Variants in CSMD1 observed in about 807,000 individuals in gnomAD.
The protein encoded by CSMD1 is CUB and sushi domain-containing protein 1.
CSMD1 carries 213 observed loss-of-function variants against 417.5 expected under a neutral mutation model. That is an observed-to-expected ratio of 0.51 (90% CI 0.46 to 0.57). The LOEUF (loss-of-function observed/expected upper bound fraction) is 0.57, where lower values mean the gene tolerates loss of function less well. Among genes scored for constraint, CSMD1 ranks in the 20% least tolerant of loss-of-function variants. CSMD1 has a pLI of 0.00. For missense variants in CSMD1, 6,923 were observed against 4,529.7 expected (o/e 1.53, Z -15.17); for synonymous variants, 2,862 against 1,736.8 (o/e 1.65, Z -16.11).
intron 52 of CSMD1, among the ~76,000 whole-genome samples, chr8:3,017,955 G>T (rs864661): frequency 6.6e-6 from 1 of 151,176 alleles, no homozygotes; most frequent in African/African-American, 2.4e-5. Context: ...GCTTATTCAA[G>T]ATTTTTCATA....
chr8:4,221,541 G>T (rs964522229), intron 3 of CSMD1, among the ~76,000 whole-genome samples: 1 of 152,144 alleles, frequency 6.6e-6, no homozygotes, highest in Non-Finnish European at 1.5e-5. Context: ...TCCCAGGAAG[G>T]CTCAAGAGCA....
chr8:4,189,331 C>G (rs1481252365), intron 3 of CSMD1, among the ~76,000 whole-genome samples: 2 of 152,122 alleles, frequency 1.3e-5, no homozygotes, highest in Admixed American at 6.5e-5. Context: ...CTGGTGCCAA[C>G]TGTGTTTATT....
At chr8:3,986,526 C>A (rs1403119593) in intron 5 of CSMD1, among the ~76,000 whole-genome samples, 4 of 152,170 alleles carry the variant, frequency 2.6e-5, no homozygotes, top group Non-Finnish European at 5.9e-5. Context: ...TCTTTTTCTA[C>A]TCCCATGATC....
At chr8:4,453,168 C>T (rs546838329) in intron 2 of CSMD1, among the ~76,000 whole-genome samples, 4 of 151,586 alleles carry the variant, frequency 2.6e-5, no homozygotes, top group South Asian at 4.2e-4. Context: ...CAAGCCCGTT[C>T]CCCCCTCCAT....
At chr8:3,925,643 C>T (rs982507910) in intron 5 of CSMD1, among the ~76,000 whole-genome samples, 4 of 151,968 alleles carry the variant, frequency 2.6e-5, no homozygotes, top group African/African-American at 4.8e-5. Context: ...ATCTGATGGG[C>T]TTATCAGAGG....
At chr8:4,730,110 G>T (rs938632010) in intron 1 of CSMD1, among the ~76,000 whole-genome samples, 2 of 152,038 alleles carry the variant, frequency 1.3e-5, no homozygotes, top group African/African-American at 4.8e-5. Flanking sequence ...TTTCGTCTCC[G>T]CACTTAGAAG....
At chr8:4,716,881 T>G (rs1441415311) in intron 1 of CSMD1, among the ~76,000 whole-genome samples, 1 of 152,082 alleles carries the variant, frequency 6.6e-6, no homozygotes, top group Non-Finnish European at 1.5e-5. Flanking sequence ...TGAAATTAAT[T>G]CTCTAGAAGA....
intron 5 of CSMD1, among the ~76,000 whole-genome samples, chr8:3,859,061 T>A (rs1006805781): frequency 1.3e-5 from 2 of 152,196 alleles, no homozygotes; most frequent in African/African-American, 4.8e-5. Context: ...ACATTATTCA[T>A]GTGTTATGTG....
At chr8:3,866,749 T>C (rs988953648) in intron 5 of CSMD1, among the ~76,000 whole-genome samples, 8 of 152,204 alleles carry the variant, frequency 5.3e-5, no homozygotes, top group East Asian at 3.8e-4. Flanking sequence ...ATTCTCCTGA[T>C]GGTACAAACA....
chr8:4,579,237 G>A lies in CSMD1; in HGVS notation c.302+58105C>T, dbSNP rs1294335746. On this transcript the variant is annotated intron_variant, in intron 2 of 69. Transcript: ENST00000635120. The stretch of plus-strand genomic sequence containing the variant: ...TCAGGAAAATAATCCTCATGCCAAC[G>A]GCGAAGTTTAAACATACATACATAT... Among the ~76,000 whole-genome samples the A allele has an allele frequency of 1.4e-4, 21 of 151,124 alleles. No homozygotes were observed. The East Asian group carries it at 2.2e-3, about 16-fold the overall frequency.
At chr8:4,654,246 A>G (rs991024787) in intron 1 of CSMD1, among the ~76,000 whole-genome samples, 3 of 152,096 alleles carry the variant, frequency 2.0e-5, no homozygotes, top group African/African-American at 7.3e-5. Flanking sequence ...CAGGAATTCA[A>G]TTTGAACAAC....
intron 30 of CSMD1, among the ~76,000 whole-genome samples, chr8:3,208,385 A>T (rs553108971): frequency 6.6e-6 from 1 of 151,938 alleles, no homozygotes; most frequent in South Asian, 2.1e-4. Context: ...TCCTGCCTCA[A>T]CCTCCCGAGC....
chr8:3,256,324 A>AG (rs57303578), intron 26 of CSMD1, among the ~76,000 whole-genome samples: 2 of 55,750 alleles, frequency 3.6e-5, no homozygotes, highest in African/African-American at 1.3e-4. Flanking sequence ...AAAAAAAAAA[A>AG]AGAGAAGAAA....
rs1006318664 is a variant in CSMD1, at chr8:3,843,651, A to C, written c.819-89609T>G. 1.1e-4 allele frequency among the ~76,000 whole-genome samples: 16 copies of C among 152,308 alleles called. 1 individual carries two copies. In the South Asian group the frequency reaches 2.5e-3, roughly 24 times the overall value. On this transcript the variant is annotated intron_variant, in intron 5 of 69. Transcript: ENST00000635120. ...ATAGGATACCATGGAATGCATTTTC[A>C]AAGAGACAGGCCACGGAGTGAGTGA...
intron 2 of CSMD1, among the ~76,000 whole-genome samples, chr8:4,465,581 C>G (rs554220313): frequency 6.6e-6 from 1 of 152,270 alleles, no homozygotes; most frequent in African/African-American, 2.4e-5. Context: ...TGTTTTTCAG[C>G]AGGCCACTTA....
chr8:3,964,426 G>A (rs543184432), intron 5 of CSMD1, among the ~76,000 whole-genome samples: 61 of 152,084 alleles, frequency 4.0e-4, no homozygotes, highest in Admixed American at 3.9e-3. Flanking sequence ...TTTGACTGAG[G>A]CCTTAATCAG....
At chr8:4,628,381 C>CACACATATATAT (rs1296979080) in intron 2 of CSMD1, among the ~76,000 whole-genome samples, 2 of 146,164 alleles carry the variant, frequency 1.4e-5, no homozygotes, top group East Asian at 2.0e-4. Context: ...TGTATATATA[C>CACACATATATAT]ACACATATAT....
At chr8:3,744,753 T>G (rs1341005697) in intron 6 of CSMD1, among the ~76,000 whole-genome samples, 1 of 152,236 alleles carries the variant, frequency 6.6e-6, no homozygotes, top group Non-Finnish European at 1.5e-5. Context: ...TAGGGTAATG[T>G]AGGTACTCTC....
At chr8:3,819,368 T>G (rs1342435496) in intron 5 of CSMD1, among the ~76,000 whole-genome samples, 1 of 152,190 alleles carries the variant, frequency 6.6e-6, no homozygotes, top group Non-Finnish European at 1.5e-5. Flanking sequence ...TCATTATAGC[T>G]ACCCTCTTTG....
Sources: allele counts gnomAD v4.1 joint callset (sites outside exome capture counted in the v4.1 genomes callset), GRCh38; gene constraint gnomAD v4.1.1; transcripts MANE v1.5; gene names NCBI Gene and HGNC (gene_info 2026-07-23, HGNC 2026-07-21).